GLIS3: variants seen among roughly 807,000 people sequenced by gnomAD.
GLIS3 encodes the protein zinc finger protein GLIS3.
Under a neutral mutation model 78.6 loss-of-function variants are expected in GLIS3, and 53 were observed. The observed-to-expected ratio is 0.67, with a 90% CI of 0.54 to 0.85. The LOEUF (loss-of-function observed/expected upper bound fraction) is 0.85, where lower values mean the gene tolerates loss of function less well. GLIS3 is among the 40% of genes least tolerant of loss of function. GLIS3 has a pLI of 0.00. For synonymous variants in GLIS3, 684 were observed against 509.9 expected, an observed-to-expected ratio of 1.34 and a Z score of -4.60; for missense variants, 1,703 against 1,231.1, an observed-to-expected ratio of 1.38 and a Z score of -5.74.
At chr9:4,071,706 G>A (rs1827627985) in intron 4 of GLIS3, 1 of 152,164 alleles carries the variant, frequency 6.6e-6, no homozygotes, top group African/African-American at 2.4e-5. Flanking sequence ...AAAATCAGAG[G>A]AAAGAAGGAC....
chr9:4,279,732 C>A (rs763870773), intron 2 of GLIS3, among the ~76,000 whole-genome samples: 1 of 151,628 alleles, frequency 6.6e-6, no homozygotes, highest in African/African-American at 2.4e-5. Context: ...TCTCCACTGC[C>A]ACATCATTAA....
intron 2 of GLIS3, among the ~76,000 whole-genome samples, chr9:4,181,162 A>T (rs1475593558): frequency 6.6e-6 from 1 of 152,238 alleles, no homozygotes; most frequent in Non-Finnish European, 1.5e-5. Context: ...CTTCAGGCAT[A>T]GCTCCTCTCT....
chr9:4,392,106 A>G, the GLIS3 span, among the ~76,000 whole-genome samples: 2 of 152,178 alleles, frequency 1.3e-5, no homozygotes, highest in East Asian at 3.9e-4. Context: ...AGGGACATGG[A>G]TGAACCTGAA....
At chr9:4,473,678 G>A in the GLIS3 span, among the ~76,000 whole-genome samples, 80,085 of 151,704 alleles carry the variant, frequency 0.53, 23,001 homozygotes, top group Middle Eastern at 0.66. Flanking sequence ...ATCAGGAAAA[G>A]TAACTAAGCT....
At chr9:4,195,622 C>G (rs1225900199) in intron 2 of GLIS3, among the ~76,000 whole-genome samples, 1 of 152,262 alleles carries the variant, frequency 6.6e-6, no homozygotes, top group Non-Finnish European at 1.5e-5. Context: ...GATGGGCACG[C>G]CCCCTGTTCC....
At chr9:3,856,347 C>G (rs907011767) in intron 8 of GLIS3, among the ~76,000 whole-genome samples, 163 bp from the exon 9 acceptor site, 1 of 152,166 alleles carries the variant, frequency 6.6e-6, no homozygotes, top group Non-Finnish European at 1.5e-5. Context: ...CCCTCTCTCC[C>G]TCCCCACTGC....
chr9:4,054,153 C>G (rs1259769135), intron 4 of GLIS3: 4 of 171,072 alleles, frequency 2.3e-5, no homozygotes, highest in Admixed American at 6.5e-5. Flanking sequence ...AGAGGTTAAC[C>G]ACCCACCCAA....
chr9:4,109,271 A>T (rs1276756430), intron 4 of GLIS3, among the ~76,000 whole-genome samples: 1 of 152,234 alleles, frequency 6.6e-6, no homozygotes, highest in Non-Finnish European at 1.5e-5. Flanking sequence ...TACAGATTAT[A>T]AAAGGAAATA....
chr9:4,159,095 G>T (rs1033463635), intron 2 of GLIS3, among the ~76,000 whole-genome samples: 2 of 148,796 alleles, frequency 1.3e-5, no homozygotes, highest in African/African-American at 5.0e-5. Context: ...TGTGGTACCA[G>T]ATAAATTTGC....
chr9:4,210,599 G>T (rs1406474803), intron 2 of GLIS3, among the ~76,000 whole-genome samples: 2 of 152,096 alleles, frequency 1.3e-5, no homozygotes, highest in Non-Finnish European at 2.9e-5. Flanking sequence ...TCTTATGTGG[G>T]AATTCTACAA....
At chr9:4,397,150 C>G in the GLIS3 span, among the ~76,000 whole-genome samples, 1 of 140,606 alleles carries the variant, frequency 7.1e-6, no homozygotes, top group East Asian at 2.1e-4. Flanking sequence ...CTCAGCCTCC[C>G]GAGTAGCTGG....
the GLIS3 span, among the ~76,000 whole-genome samples, chr9:4,466,835 C>A: frequency 0.011 from 1,731 of 152,336 alleles, 28 homozygotes; most frequent in African/African-American, 0.039. Context: ...TGCAGGGCAT[C>A]GCCTCATCCA....
chr9:4,462,617 ACAC>A, the GLIS3 span, among the ~76,000 whole-genome samples: 3 of 150,038 alleles, frequency 2.0e-5, no homozygotes, highest in Non-Finnish European at 4.4e-5. Flanking sequence ...ACACACACAC[ACAC>A]ACACACACAC....
chr9:4,155,956 C>T (rs916335461), intron 2 of GLIS3, among the ~76,000 whole-genome samples: 3 of 152,180 alleles, frequency 2.0e-5, no homozygotes, highest in Non-Finnish European at 2.9e-5. Flanking sequence ...ATTCATTTAT[C>T]CCCTATTATT....
At chr9:4,342,250 C>A (rs1351344651) in intron 2 of GLIS3, among the ~76,000 whole-genome samples, 1 of 152,150 alleles carries the variant, frequency 6.6e-6, no homozygotes. Context: ...TTTAACCCAT[C>A]TTGAGTTAAT....
intron 2 of GLIS3, among the ~76,000 whole-genome samples, chr9:4,240,199 G>C (rs909027189): frequency 1.3e-5 from 2 of 151,460 alleles, no homozygotes; most frequent in African/African-American, 2.4e-5. Context: ...GGGAGGTGGG[G>C]GGGGGGGATG....
At chr9:4,412,250 G>A in the GLIS3 span, among the ~76,000 whole-genome samples, 3 of 152,166 alleles carry the variant, frequency 2.0e-5, no homozygotes, top group Non-Finnish European at 2.9e-5. Context: ...ATTAAGTTGC[G>A]AGAGGTGAAC....
intron 8 of GLIS3, among the ~76,000 whole-genome samples, chr9:3,866,258 G>C (rs1446572549): frequency 6.6e-6 from 1 of 152,146 alleles, no homozygotes; most frequent in Non-Finnish European, 1.5e-5. Context: ...TAGTGTAATA[G>C]AAGCAATTAG....
chr9:3,968,419 G>A (rs1231110437), intron 4 of GLIS3, among the ~76,000 whole-genome samples: 1 of 151,974 alleles, frequency 6.6e-6, no homozygotes, highest in East Asian at 1.9e-4. Context: ...TTTAAAGGAG[G>A]TAGCATTTTC....
Sources: allele counts gnomAD v4.1 joint callset (sites outside exome capture counted in the v4.1 genomes callset), GRCh38; gene constraint gnomAD v4.1.1; transcripts MANE v1.5; gene names NCBI Gene and HGNC (gene_info 2026-07-23, HGNC 2026-07-21).